TSC2: variants seen among roughly 807,000 people sequenced by gnomAD.
The protein encoded by TSC2 is tuberin.
A neutral mutation model predicts 202.2 loss-of-function variants in TSC2; 29 were observed. The observed-to-expected ratio is 0.14, with a 90% CI of 0.11 to 0.20. The LOEUF is 0.20. Ranked by LOEUF, TSC2 falls within the 10% of genes least tolerant of loss-of-function variation. TSC2 has a pLI of 1.00. For missense variants in TSC2, 2,429 were observed against 2,420.0 expected (o/e 1.00, Z -0.08); for synonymous variants, 1,349 against 1,044.0 (o/e 1.29, Z -5.63).
intron 3 of TSC2, among the ~76,000 whole-genome samples, chr16:2,052,802 AGAG>A (rs2085294810): frequency 6.6e-6 from 1 of 152,164 alleles, no homozygotes; most frequent in Non-Finnish European, 1.5e-5. Flanking sequence ...GGTGGTAGTT[AGAG>A]GAGGCAGATT....
At chr16:2,054,589 C>T (rs2085537362) in intron 5 of TSC2, 149 bp downstream of exon 5, 1 of 1,231,188 alleles carries the variant, frequency 8.1e-7, no homozygotes, top group East Asian at 2.3e-5. Flanking sequence ...CTGGGCTCAC[C>T]TGCGTGGCCG....
chr16:2,056,691 G>A lies in TSC2; in HGVS notation c.696G>A (p.Pro232=), dbSNP rs539797467. The A allele has an allele frequency of 3.0e-5, 48 of 1,612,502 alleles. No individual in the cohort carries two copies. The highest frequency in any genetic ancestry group is 1.7e-4 in the Middle Eastern group (1 of 6,060). ...CCGTGGTCTGCTACAACTGCCTGCCGGCTGAGAGCCTCCCGCTGTTCATCG... is the reference window on the plus strand; with the variant it reads ...CCGTGGTCTGCTACAACTGCCTGCCAGCTGAGAGCCTCCCGCTGTTCATCG... ...LDAVVCYNCL[P]AESLPLFIVT... The change falls in exon 8 of 42, where the codon CCG becomes CCA. Residue 232 remains proline, a synonymous_variant. Transcript: ENST00000219476.
rs199610889 is a variant in TSC2 at position 2,086,886 on chromosome 16, G to A, written c.4989+15G>A. 1.3e-4 allele frequency: 210 copies of A among 1,569,584 alleles called. No individual in the cohort carries two copies. In the African/African-American group the frequency reaches 1.8e-3, roughly 13 times the overall value. On this transcript the variant is annotated intron_variant, in intron 38 of 41. Coordinates refer to ENST00000219476, the MANE Select transcript of TSC2 (RefSeq NM_000548.5). ...GCACCATCAAGGTGAGTGAGGGGCCGTCAGTGAGGCTGGGCCCCAGGCAGG... is the reference window on the plus strand; with the variant it reads ...GCACCATCAAGGTGAGTGAGGGGCCATCAGTGAGGCTGGGCCCCAGGCAGG...
intron 15 of TSC2, chr16:2,064,970 T>G (rs918483952): frequency 1.0e-5 from 2 of 196,532 alleles, no homozygotes; most frequent in African/African-American, 4.7e-5. Flanking sequence ...AAAAATTAGC[T>G]GCACGTGGTG....
Position 2,048,576 on chromosome 16 carries a change from C to A in TSC2, c.-29-11C>A. On this transcript the variant is annotated splice_polypyrimidine_tract_variant and intron_variant, in intron 1 of 41. Transcript: ENST00000219476. ...TGCTCAGATGTCCCCATTCCTGTTT[C>A]GTTTGCACAGAGGGGTTTTCTGGTG... is the stretch of plus-strand genomic sequence containing the variant. 1.2e-6 allele frequency: 2 copies of A among 1,613,434 alleles called. No homozygotes were observed. Among genetic ancestry groups the A allele is most frequent in the Non-Finnish European group, 8.5e-7 (1 of 1,180,008 alleles).
At chr16:2,082,313 G>A (rs559881687) in intron 31 of TSC2, 123 bp from the exon 32 acceptor site, 41 of 1,126,406 alleles carry the variant, frequency 3.6e-5, no homozygotes, top group South Asian at 3.1e-4. Flanking sequence ...GGCCCCGTGC[G>A]CGCCCCTGCC....
At chr16:2,085,447 A>AGCTCAACACTGCCGGGTCCCCTAC in intron 36 of TSC2, 125 bp downstream of exon 36, 1 of 1,036,518 alleles carries the variant, frequency 9.6e-7, no homozygotes, top group Non-Finnish European at 1.4e-6. Flanking sequence ...CTACAGCATG[A>AGCTCAACACTGCCGGGTCCCCTAC]AGTGCTCATT....
At chr16:2,081,957 T>A in intron 31 of TSC2, 159 bp downstream of exon 31, 1 of 1,085,356 alleles carries the variant, frequency 9.2e-7, no homozygotes, top group Non-Finnish European at 1.4e-6. Context: ...GGGAGGAGGC[T>A]GACCCGTGGG....
chr16:2,084,240 T>A lies in TSC2; in HGVS notation c.4018T>A (p.Ser1340Thr). The part of the protein sequence containing the change: ...TDAYSRSSSV[S>T]SQEEKSLHAE... The stretch of plus-strand genomic sequence containing the variant: ...TGGTCCTTTCTAGTCGTCCTCAGTC[T>A]CCAGCCAGGAGGAGAAGTCGCTCCA... Residue 1340 changes from serine (S) to threonine (T), a missense_variant, in exon 34 of 42, where the codon TCC (serine) becomes ACC (threonine). Physicochemically the swap from Ser to Thr is moderately conservative, Grantham distance 58 (BLOSUM62 1). Transcript: ENST00000219476. 1 of 1,595,802 alleles carries A rather than the reference T, an allele frequency of 6.3e-7. No individual in the cohort carries two copies. Among genetic ancestry groups the A allele is most frequent in the Non-Finnish European group, 8.5e-7 (1 of 1,170,808 alleles).
Position 2,074,912 on chromosome 16 carries a change from C to G in TSC2, c.2545+523C>G, listed in dbSNP as rs1287374729. On this transcript the variant is annotated intron_variant, in intron 22 of 41. Transcript: ENST00000219476. The stretch of plus-strand genomic sequence containing the variant: ...GTCGGTCTTTCTGTTTTGTTGATAA[C>G]CCTTTAGAAGTGTAGAAGCCTGGCC... The G allele has an allele frequency of 5.5e-5, 12 of 218,806 alleles. No homozygotes were observed. The East Asian group carries it at 1.3e-3, about 23-fold the overall frequency. 13.6% of individuals were successfully genotyped at this position (218,806 alleles called of 1,614,324 possible).
At chr16:2,082,091 C>G in intron 31 of TSC2, 1 of 588,746 alleles carries the variant, frequency 1.7e-6, no homozygotes, top group Non-Finnish European at 3.0e-6. Context: ...GGCTCTGCGG[C>G]AGCCTCCCTC....
intron 30 of TSC2, chr16:2,080,684 C>G (rs932598606): frequency 6.4e-5 from 24 of 376,226 alleles, no homozygotes; most frequent in African/African-American, 4.8e-4. Flanking sequence ...TGGGGTTTCA[C>G]TGTGTTAGCC....
rs116516060 is a variant in TSC2 at position 2,051,483 on chromosome 16, C to T, written c.225+997C>T. 7.2e-3 allele frequency among the ~76,000 whole-genome samples: 1,099 copies of T among 152,176 alleles called. 13 individuals are homozygous for T. The highest frequency in any genetic ancestry group is 0.025 in the African/African-American group (1,030 of 41,500). ...GTGCCATTTTGGGAGGGTGACTGGT[C>T]GGTGGTATTGGGCGACCTCACGGAC... On this transcript the variant is annotated intron_variant, in intron 3 of 41. Coordinates refer to ENST00000219476, the MANE Select transcript of TSC2 (RefSeq NM_000548.5).
In TSC2 at chr16:2,088,821, G is replaced by A. The variant is rs943040781; in HGVS notation, c.*211G>A. 2.4e-5 allele frequency: 16 copies of A among 671,540 alleles called. No homozygotes were observed. Among genetic ancestry groups the A allele is most frequent in the African/African-American group, 2.4e-4 (13 of 54,870 alleles). The allele number at this position is 671,540 out of a possible 1,614,324, so 41.6% of individuals were successfully genotyped here. A position where few individuals can be genotyped will look rare whatever the true frequency, so the allele number is the denominator to read the frequency against. ...GAAGTGGTACACAGAAGCAGGCACA[G>A]CCAGCTCCGAGGGCCTTGAGGCTGC... On this transcript the variant is annotated 3_prime_UTR_variant, in exon 42 of 42. Coordinates refer to ENST00000219476, the MANE Select transcript of TSC2 (RefSeq NM_000548.5).
intron 16 of TSC2, among the ~76,000 whole-genome samples, chr16:2,068,003 C>T (rs2035932119): frequency 6.6e-6 from 1 of 152,146 alleles, no homozygotes; most frequent in African/African-American, 2.4e-5. Context: ...TGAGATATTT[C>T]CTAGTTGAGG....
intron 40 of TSC2, 38 bp from the exon 41 acceptor site, chr16:2,088,189 C>A (rs375275181): frequency 6.2e-7 from 1 of 1,612,918 alleles, no homozygotes; most frequent in South Asian, 1.1e-5. Flanking sequence ...GCCCAGGTGC[C>A]ACCTGATAGT....
chr16:2,063,611 C>G (rs2086905582), intron 14 of TSC2: 2 of 225,086 alleles, frequency 8.9e-6, no homozygotes, highest in South Asian at 6.5e-5. Flanking sequence ...TCCCTGCAGC[C>G]TCGCAGTCCT....
At chr16:2,069,207 G>A (rs1415367018) in intron 16 of TSC2, among the ~76,000 whole-genome samples, 2 of 152,232 alleles carry the variant, frequency 1.3e-5, no homozygotes, top group African/African-American at 2.4e-5. Context: ...TTCCCAGAAT[G>A]GGGGGTGCCA....
chr16:2,059,907 C>T (rs945945891), intron 10 of TSC2, among the ~76,000 whole-genome samples: 7 of 152,158 alleles, frequency 4.6e-5, no homozygotes, highest in Admixed American at 1.3e-4. Flanking sequence ...GTGATCCACC[C>T]GCCTTGGTCT....
Sources: gnomAD v4.1 joint callset for allele counts (sites outside exome capture counted in the v4.1 genomes callset) on GRCh38, gnomAD v4.1.1 for gene constraint, MANE v1.5 for transcripts, NCBI Gene and HGNC (gene_info 2026-07-23, HGNC 2026-07-21) for gene names.